CACNA1D: variants seen among roughly 807,000 people sequenced by gnomAD.
CACNA1D encodes the protein calcium voltage-gated channel subunit alpha1 D.
A neutral mutation model predicts 257.1 loss-of-function variants in CACNA1D; 55 were observed. That is an observed-to-expected ratio of 0.21 (90% CI 0.17 to 0.27). CACNA1D has a LOEUF of 0.27. Ranked by LOEUF, CACNA1D falls within the 10% of genes least tolerant of loss-of-function variation. The probability of loss-of-function intolerance (pLI) is 1.00; values close to 1 mark genes in which losing one functional copy is unlikely to be tolerated. For missense variants in CACNA1D, 1,876 were observed against 2,784.0 expected, an observed-to-expected ratio of 0.67 and a Z score of 7.34; for synonymous variants, 980 against 1,014.9, an observed-to-expected ratio of 0.97 and a Z score of 0.65.
Position 53,578,572 on chromosome 3 carries a change from G to A in CACNA1D, c.484-72207G>A, listed in dbSNP as rs111621032. ...GAAAGGCACAGAGATGGGATGGTGAGGATGAATCTGTGAAATGATGATGAT... is the reference window on the plus strand; with the variant it reads ...GAAAGGCACAGAGATGGGATGGTGAAGATGAATCTGTGAAATGATGATGAT... On this transcript the variant is annotated intron_variant, in intron 3 of 47. Coordinates refer to ENST00000350061, the MANE Select transcript of CACNA1D (RefSeq NM_001128840.3). Among the ~76,000 whole-genome samples the A allele has an allele frequency of 2.7e-3, 413 of 152,294 alleles. 2 individuals carry two copies. The highest frequency in any genetic ancestry group is 4.5e-3 in the Non-Finnish European group (304 of 68,038).
intron 3 of CACNA1D, chr3:53,530,202 G>A (rs1575768267): frequency 2.0e-5 from 3 of 152,336 alleles, no homozygotes; most frequent in East Asian, 1.9e-4. Context: ...AGTAGAAATC[G>A]TTTATTAAAT....
chr3:53,811,178 C>T lies in CACNA1D; in HGVS notation c.6258C>T (p.His2086=), dbSNP rs774046259. ...CAAAATTTGTGTCAGCAACAAAACA[C>T]GAAATCGCTGATGCCTGTGACCTCA... The part of the protein sequence containing the change: ...RDPKFVSATK[H]EIADACDLTI... Residue 2086 remains histidine (H), a synonymous_variant, in exon 48 of 48, where the codon CAC becomes CAT. Coordinates refer to ENST00000350061, the MANE Select transcript of CACNA1D (RefSeq NM_001128840.3). The surrounding 1 kb of genome is among the most constrained non-coding windows in gnomAD (Gnocchi z 4.2). 4.8e-5 allele frequency: 78 copies of T among 1,613,900 alleles called. No individual in the cohort carries two copies. Among genetic ancestry groups the T allele is most frequent in the Admixed American group, 2.8e-4 (17 of 60,014 alleles).
At chr3:53,632,829 A>G (rs1212145643) in intron 3 of CACNA1D, among the ~76,000 whole-genome samples, 1 of 152,236 alleles carries the variant, frequency 6.6e-6, no homozygotes, top group East Asian at 1.9e-4. Flanking sequence ...ACAGTCTTCT[A>G]TGGGCGCAGT....
intron 3 of CACNA1D, among the ~76,000 whole-genome samples, chr3:53,598,821 C>A (rs1298251805): frequency 6.6e-6 from 1 of 152,140 alleles, no homozygotes; most frequent in Non-Finnish European, 1.5e-5. Context: ...TGTGCCCATG[C>A]CTGGGTGTTG....
At chr3:53,626,563 C>T (rs559474303) in intron 3 of CACNA1D, among the ~76,000 whole-genome samples, 1 of 151,120 alleles carries the variant, frequency 6.6e-6, no homozygotes, top group East Asian at 2.0e-4. Context: ...GAGCCAGTTC[C>T]TCTGATTTTT....
chr3:53,559,621 T>C (rs917325219), intron 3 of CACNA1D, among the ~76,000 whole-genome samples: 11 of 152,174 alleles, frequency 7.2e-5, no homozygotes, highest in Non-Finnish European at 1.3e-4. Flanking sequence ...GGCAATGATA[T>C]CCTAAAGTGA....
intron 3 of CACNA1D, among the ~76,000 whole-genome samples, chr3:53,556,266 G>A (rs1401060922): frequency 6.6e-6 from 1 of 152,172 alleles, no homozygotes; most frequent in East Asian, 1.9e-4. Flanking sequence ...GAATATAGAT[G>A]TTCACTAGCG....
Position 53,494,850 on chromosome 3 carries a change from C to T in CACNA1D, c.-317C>T, listed in dbSNP as rs1189349911. ...CTCTCCGCTAGAGGAGGGGACAAGC[C>T]AGTTCTCCTTTGCAGCAAAAAATTA... is the stretch of plus-strand genomic sequence containing the variant. On this transcript the variant is annotated 5_prime_UTR_variant, in exon 1 of 48. Transcript: ENST00000350061. The T allele has an allele frequency of 1.4e-5, 3 of 217,442 alleles. No homozygotes were observed. Among genetic ancestry groups the T allele is most frequent in the African/African-American group, 6.9e-5 (3 of 43,720 alleles). The allele number at this position is 217,442 out of a possible 1,614,324, so 13.5% of individuals were successfully genotyped here.
chr3:53,586,753 C>T (rs1000284063), intron 3 of CACNA1D, among the ~76,000 whole-genome samples: 23 of 152,142 alleles, frequency 1.5e-4, no homozygotes, highest in East Asian at 1.9e-4. Context: ...GACTTAGAGA[C>T]GATAAGGTAC....
At position 53,780,105 on chromosome 3, in the gene CACNA1D, C is replaced by T. The variant is rs2095418003; in HGVS notation, c.4667C>T (p.Thr1556Met). ...FNATLFALVR[T>M]ALKIKTEGNL... ...GCAACCCTGTTTGCTTTGGTTCGAA[C>T]GGCTCTTAAGATCAAGACCGAAGGT... The change falls in exon 38 of 48, where the codon ACG (threonine) becomes ATG (methionine). Residue 1556 changes from threonine to methionine, a missense_variant. Coordinates refer to ENST00000350061, the MANE Select transcript of CACNA1D (RefSeq NM_001128840.3). The T allele has an allele frequency of 3.1e-6, 5 of 1,613,638 alleles. No homozygotes were observed. The highest frequency in any genetic ancestry group is 1.3e-5 in the African/African-American group (1 of 74,900).
chr3:53,569,272 A>G (rs2092902351), intron 3 of CACNA1D, among the ~76,000 whole-genome samples: 1 of 152,072 alleles, frequency 6.6e-6, no homozygotes, highest in Non-Finnish European at 1.5e-5. Flanking sequence ...TCCCTTCCAC[A>G]CTGCAAGTTC....
chr3:53,549,735 T>C (rs1031053155), intron 3 of CACNA1D, among the ~76,000 whole-genome samples: 1 of 152,204 alleles, frequency 6.6e-6, no homozygotes, highest in Non-Finnish European at 1.5e-5. Flanking sequence ...ACAATTAAAA[T>C]TTTTTTCCTT....
At chr3:53,745,930 A>G (rs2095164350) in intron 25 of CACNA1D, 55 bp downstream of exon 25, 2 of 1,369,492 alleles carry the variant, frequency 1.5e-6, no homozygotes, top group Non-Finnish European at 2.1e-6. Flanking sequence ...GCAGACTTCA[A>G]GGATTCACAC....
chr3:53,566,158 C>T (rs567104094), intron 3 of CACNA1D, among the ~76,000 whole-genome samples: 7 of 152,298 alleles, frequency 4.6e-5, no homozygotes, highest in African/African-American at 1.7e-4. Context: ...CTAAGGAAAC[C>T]TGTCAGTCTG....
chr3:53,519,849 C>T lies in CACNA1D; in HGVS notation c.483+18129C>T, dbSNP rs541289782. Reference sequence around the variant, plus strand: ...GCCCCAGCCCTAGGCAATTGCTAATCTGCTTTCTGTCTGTGGATTTACCTA... The same window carrying T: ...GCCCCAGCCCTAGGCAATTGCTAATTTGCTTTCTGTCTGTGGATTTACCTA... On this transcript the variant is annotated intron_variant, in intron 3 of 47. Coordinates refer to ENST00000350061, the MANE Select transcript of CACNA1D (RefSeq NM_001128840.3). Among the ~76,000 whole-genome samples the T allele has an allele frequency of 1.1e-4, 16 of 152,290 alleles. No individual in the cohort carries two copies. The South Asian group carries it at 2.5e-3, about 24-fold the overall frequency.
chr3:53,717,822 T>C (rs779706007), intron 9 of CACNA1D, among the ~76,000 whole-genome samples: 27 of 152,208 alleles, frequency 1.8e-4, no homozygotes, highest in Non-Finnish European at 2.6e-4. Context: ...ATGCACTGCC[T>C]TCCCCATTCA....
At chr3:53,778,530 G>A (rs1220963954) in intron 37 of CACNA1D, among the ~76,000 whole-genome samples, 3 of 152,164 alleles carry the variant, frequency 2.0e-5, no homozygotes, top group Non-Finnish European at 4.4e-5. Flanking sequence ...CTTTTCTTTT[G>A]GAACATGCTG....
At chr3:53,788,353 G>A (rs1006515186) in intron 40 of CACNA1D, among the ~76,000 whole-genome samples, 1 of 152,162 alleles carries the variant, frequency 6.6e-6, no homozygotes, top group African/African-American at 2.4e-5. Context: ...TATCCTAAAG[G>A]TAGCTGAGGG....
chr3:53,559,850 G>A (rs1373732705), intron 3 of CACNA1D, among the ~76,000 whole-genome samples: 2 of 152,116 alleles, frequency 1.3e-5, no homozygotes, highest in Non-Finnish European at 2.9e-5. Flanking sequence ...CCAAGCGCTT[G>A]AAGGTCAGGG....
Sources: allele counts gnomAD v4.1 joint callset (sites outside exome capture counted in the v4.1 genomes callset), GRCh38; gene constraint gnomAD v4.1.1; non-coding constraint Gnocchi (gnomAD v3.1); transcripts MANE v1.5; gene names NCBI Gene and HGNC (gene_info 2026-07-23, HGNC 2026-07-21).